The following SLC4A2 variants were observed in gnomAD, a reference collection of about 807,000 sequenced individuals.
SLC4A2 encodes solute carrier family 4 member 2.
SLC4A2 carries 36 observed loss-of-function variants against 115.0 expected under a neutral mutation model. The observed-to-expected ratio is 0.31, with a 90% CI of 0.24 to 0.41. SLC4A2 has a LOEUF of 0.41. SLC4A2 is among the 10% of genes least tolerant of loss of function. SLC4A2 has a pLI of 1.00. For missense variants in SLC4A2, 1,252 were observed against 1,705.6 expected (o/e 0.73, Z 4.68); for synonymous variants, 708 against 708.3 (o/e 1.00, Z 0.01).
chr7:151,071,397 G>A lies in SLC4A2; in HGVS notation c.1983G>A (p.Leu661=). The A allele has an allele frequency of 6.3e-7, 1 of 1,595,444 alleles. No individual in the cohort carries two copies. The highest frequency in any genetic ancestry group is 8.5e-7 in the Non-Finnish European group (1 of 1,175,758). ...CGGAGGCCTGGGTTGCAGCGCTCCTGCAGATGGTAGAGGCGGCAGGGGCAG... is the reference window on the plus strand; with the variant it reads ...CGGAGGCCTGGGTTGCAGCGCTCCTACAGATGGTAGAGGCGGCAGGGGCAG... The part of the protein sequence containing the change: ...EPKSAQDKAL[L]QMVEAAGAAE... Residue 661 remains leucine, a synonymous_variant, in exon 14 of 23, where the codon CTG becomes CTA. Coordinates refer to ENST00000413384, the MANE Select transcript of SLC4A2 (RefSeq NM_003040.4). This position sits in a 1 kb window ranked among gnomAD's most constrained non-coding sequence, Gnocchi z 5.5.
rs1334425991 is a variant in SLC4A2 at position 151,063,149 on chromosome 7, G to T, written c.52-1053G>T. On this transcript the variant is annotated intron_variant, in intron 2 of 22. Coordinates refer to ENST00000413384, the MANE Select transcript of SLC4A2 (RefSeq NM_003040.4). ...ACAAGCGCCGCATTCCCTGCCGGCTGTGCCGGCCGGCCGCTGCTCCGCGCC... is the reference window on the plus strand; with the variant it reads ...ACAAGCGCCGCATTCCCTGCCGGCTTTGCCGGCCGGCCGCTGCTCCGCGCC... 49 of 1,510,110 alleles carry T rather than the reference G, an allele frequency of 3.2e-5. No individual in the cohort carries two copies. In the Admixed American group the frequency reaches 1.0e-3, roughly 31 times the overall value. 93.5% of individuals were successfully genotyped at this position (1,510,110 alleles called of 1,614,324 possible).
In SLC4A2 at chr7:151,066,730, G is replaced by A. The variant is rs1204592376; in HGVS notation, c.792G>A (p.Thr264=). ...RVPTDEIEAQ[T]LATADLDLMK... is the part of the protein sequence containing the mutation. ...CCACGGATGAGATTGAGGCCCAGAC[G>A]CTGGCCACGGCCGACCTAGACCTCA... The change falls in exon 6 of 23, where the codon ACG becomes ACA. Residue 264 remains threonine, a synonymous_variant. Coordinates refer to ENST00000413384, the MANE Select transcript of SLC4A2 (RefSeq NM_003040.4). 11 of 1,556,566 alleles carry A rather than the reference G, an allele frequency of 7.1e-6. No individual in the cohort carries two copies. In the East Asian group the frequency reaches 7.3e-5, roughly 10 times the overall value.
At chr7:151,066,468 G>T (rs12703111) in intron 5 of SLC4A2, 49 bp from the exon 6 acceptor site, 15 of 1,455,258 alleles carry the variant, frequency 1.0e-5, no homozygotes, top group Middle Eastern at 2.5e-4. Context: ...TGCTGGGCGT[G>T]GGGGAGGAGG....
chr7:151,074,866 G>A (rs1430568715), intron 19 of SLC4A2, 25 bp downstream of exon 19: 7 of 1,570,446 alleles, frequency 4.5e-6, no homozygotes, highest in Admixed American at 1.9e-5. Flanking sequence ...CCAAAGGGGT[G>A]TGAGAGGCCA....
intron 19 of SLC4A2, 95 bp from the exon 20 acceptor site, chr7:151,075,160 C>T (rs532056756): frequency 2.0e-6 from 3 of 1,531,126 alleles, no homozygotes; most frequent in South Asian, 1.2e-5. Context: ...GGTTCCAAAG[C>T]CAGATGGAGG....
Position 151,071,647 on chromosome 7 carries a change from G to C in SLC4A2, c.2191+42G>C, listed in dbSNP as rs775209354. On this transcript the variant is annotated intron_variant, in intron 14 of 22. Coordinates refer to ENST00000413384, the MANE Select transcript of SLC4A2 (RefSeq NM_003040.4). This position sits in a 1 kb window ranked among gnomAD's most constrained non-coding sequence, Gnocchi z 5.5. ...GGTAGGGGGCGGCGGGGACTGCCCA[G>C]GGCCTGGCCACCAGCTCCTGAGCTG... The C allele has an allele frequency of 1.8e-5, 29 of 1,612,758 alleles. No homozygotes were observed. The highest frequency in any genetic ancestry group is 2.5e-5 in the Non-Finnish European group (29 of 1,179,472).
rs1797622797 is a variant in SLC4A2, at chr7:151,076,034, C to T, written c.3493C>T (p.Leu1165=). 6.2e-7 allele frequency: 1 copy of T among 1,609,996 alleles called. No individual in the cohort carries two copies. The highest frequency in any genetic ancestry group is 8.5e-7 in the Non-Finnish European group (1 of 1,178,716). Residue 1165 remains leucine, a synonymous_variant, in exon 22 of 23, where the codon CTG becomes TTG. Coordinates refer to ENST00000413384, the MANE Select transcript of SLC4A2 (RefSeq NM_003040.4). The part of the protein sequence containing the change: ...VKKVRTLRMH[L]FTALQLLCLA... ...CCAGGTCCGGACCCTCCGTATGCAC[C>T]TGTTCACGGCCCTGCAGCTGCTCTG...
At chr7:151,063,061 G>A in intron 2 of SLC4A2, 1 of 1,504,380 alleles carries the variant, frequency 6.6e-7, no homozygotes, top group South Asian at 1.2e-5. Flanking sequence ...GACCGTGGGT[G>A]GGTGGGGGGC....
In SLC4A2 at chr7:151,070,052, A is replaced by T. The variant is rs1408278895; in HGVS notation, c.1253A>T (p.Asn418Ile). 2 of 1,614,132 alleles carry T rather than the reference A, an allele frequency of 1.2e-6. No homozygotes were observed. Among genetic ancestry groups the T allele is most frequent in the South Asian group, 2.2e-5 (2 of 91,090 alleles). ...CAGATCAAGGCCGAGGACAGGGCCAACGTGCTGCGGGCTCTGCTGTTGAAA... is the reference window on the plus strand; with the variant it reads ...CAGATCAAGGCCGAGGACAGGGCCATCGTGCTGCGGGCTCTGCTGTTGAAA... ...SDQIKAEDRA[N>I]VLRALLLKHS... The change falls in exon 9 of 23, where the codon AAC becomes ATC. Residue 418 changes from asparagine (N) to isoleucine (I), a missense_variant. By Grantham distance (149) the Asn-to-Ile change is moderately radical. Transcript: ENST00000413384.
In SLC4A2 at chr7:151,071,987, A is replaced by G; in HGVS notation, c.2386A>G (p.Ile796Val). Residue 796 changes from isoleucine to valine, a missense_variant, in exon 16 of 23, where the codon ATC (isoleucine) becomes GTC (valine). Physicochemically the swap from Ile to Val is conservative, Grantham distance 29. Around this residue, in one of 14 missense-constraint regions of SLC4A2, gnomAD observed 118 missense variants for 203.3 expected, o/e 0.58. Transcript: ENST00000413384. The surrounding 1 kb of genome is among the most constrained non-coding windows in gnomAD (Gnocchi z 5.5). ...HLEYLVGRVW[I>V]GFWLVFLALL... ...GGAGTACCTGGTGGGCCGTGTGTGG[A>G]TCGGCTTCTGGCTGGTGTTCCTGGC... 1.2e-6 allele frequency: 2 copies of G among 1,613,658 alleles called. No homozygotes were observed. The highest frequency in any genetic ancestry group is 1.7e-6 in the Non-Finnish European group (2 of 1,179,920).
chr7:151,075,856 C>G, intron 21 of SLC4A2, 81 bp downstream of exon 21: 1 of 1,465,818 alleles, frequency 6.8e-7, no homozygotes, highest in Non-Finnish European at 9.3e-7. Flanking sequence ...GCTGCCCCCT[C>G]CCATCTGCCC....
chr7:151,074,018 C>A, intron 16 of SLC4A2, 21 bp from the exon 17 acceptor site: 1 of 1,542,848 alleles, frequency 6.5e-7, no homozygotes, highest in South Asian at 1.2e-5. Flanking sequence ...TGATGGAGGC[C>A]GTGTGGCCTC....
At position 151,071,972 on chromosome 7, in the gene SLC4A2, G is replaced by C; in HGVS notation, c.2371G>C (p.Val791Leu). Residue 791 changes from valine (V) to leucine (L), a missense_variant, in exon 16 of 23, where the codon GTG (valine) becomes CTG (leucine). Val to Leu is a conservative substitution (Grantham distance 32). This residue lies in a region of SLC4A2 where 118 missense variants were observed against 203.3 expected (regional missense o/e 0.58). Transcript: ENST00000413384. The surrounding 1 kb of genome is among the most constrained non-coding windows in gnomAD (Gnocchi z 5.5). ...TAGCAGCAACCACCTGGAGTACCTG[G>C]TGGGCCGTGTGTGGATCGGCTTCTG... is the stretch of plus-strand genomic sequence containing the variant. ...FCSSNHLEYL[V>L]GRVWIGFWLV... 1 of 1,614,086 alleles carries C rather than the reference G, an allele frequency of 6.2e-7. No homozygotes were observed. The highest frequency in any genetic ancestry group is 8.5e-7 in the Non-Finnish European group (1 of 1,180,000).
intron 21 of SLC4A2, 117 bp downstream of exon 21, chr7:151,075,892 C>G: frequency 7.1e-7 from 1 of 1,416,114 alleles, no homozygotes; most frequent in African/African-American, 1.4e-5. Flanking sequence ...CACCTCCTCT[C>G]TGTACCAACC....
rs1307129947 is a variant in SLC4A2 at position 151,071,952 on chromosome 7, G to A, written c.2351G>A (p.Ser784Asn). ...FEEAFFSFCS[S>N]NHLEYLVGRV... ...TGCCCCTCCCTCCAGTTCTGTAGCA[G>A]CAACCACCTGGAGTACCTGGTGGGC... The change falls in exon 16 of 23, where the codon AGC becomes AAC. Residue 784 changes from serine (S) to asparagine (N), a missense_variant. This residue lies in a region of SLC4A2 where 118 missense variants were observed against 203.3 expected (regional missense o/e 0.58). Transcript: ENST00000413384. This position sits in a 1 kb window ranked among gnomAD's most constrained non-coding sequence, Gnocchi z 5.5. 6.2e-7 allele frequency: 1 copy of A among 1,613,932 alleles called. No individual in the cohort carries two copies. Among genetic ancestry groups the A allele is most frequent in the South Asian group, 1.1e-5 (1 of 91,062 alleles).
At chr7:151,075,806 T>C (rs1196485813) in intron 21 of SLC4A2, 31 bp downstream of exon 21, 1 of 1,587,338 alleles carries the variant, frequency 6.3e-7, no homozygotes, top group African/African-American at 1.3e-5. Flanking sequence ...CCGGAAGGGG[T>C]GTGCCTCTGG....
At chr7:151,072,191 A>G in intron 16 of SLC4A2, 55 bp downstream of exon 16, 1 of 1,512,524 alleles carries the variant, frequency 6.6e-7, no homozygotes, top group East Asian at 2.3e-5. Flanking sequence ...TCAGGGCTGG[A>G]GGGAGTCTCT....
At chr7:151,063,018 C>T (rs1797104786) in intron 2 of SLC4A2, 2 of 1,457,064 alleles carry the variant, frequency 1.4e-6, no homozygotes, top group South Asian at 2.7e-5. Context: ...TCCAGAAGCT[C>T]TTGAGCAAAT....
intron 10 of SLC4A2, 31 bp from the exon 11 acceptor site, chr7:151,070,426 G>C (rs1366040113): frequency 6.2e-7 from 1 of 1,611,380 alleles, no homozygotes; most frequent in Admixed American, 1.7e-5. Flanking sequence ...GGAGGGGCCT[G>C]GCTGGGCTGA....
Sources: gnomAD v4.1 joint callset for allele counts on GRCh38, gnomAD v4.1.1 for gene constraint, gnomAD v4.1.1 regional missense constraint, Gnocchi (gnomAD v3.1) non-coding constraint, MANE v1.5 for transcripts, NCBI Gene and HGNC (gene_info 2026-07-23, HGNC 2026-07-21) for gene names.